The following RAD52 variants were observed in gnomAD, a reference collection of about 807,000 sequenced individuals.
RAD52 encodes RAD52 DNA repair protein.
RAD52 carries 47 observed loss-of-function variants against 55.5 expected under a neutral mutation model. The observed-to-expected ratio is 0.85, with a 90% confidence interval of 0.67 to 1.08. RAD52 has a LOEUF of 1.08. RAD52 is among the 50% of genes least tolerant of loss of function. RAD52 has a pLI of 0.00. For missense variants in RAD52, 468 were observed against 522.8 expected (o/e 0.90, Z 1.02); for synonymous variants, 184 against 198.9 (o/e 0.92, Z 0.63).
chr12:966,469 A>G (rs1360054558), intron 1 of RAD52, among the ~76,000 whole-genome samples: 1 of 152,058 alleles, frequency 6.6e-6, no homozygotes, highest in Non-Finnish European at 1.5e-5. Context: ...TGATAATACA[A>G]AAGTCTGCCA....
At chr12:986,673 C>T (rs745392157) in intron 1 of RAD52, among the ~76,000 whole-genome samples, 5 of 151,782 alleles carry the variant, frequency 3.3e-5, no homozygotes, top group Non-Finnish European at 7.4e-5. Context: ...ACTGTTTTAA[C>T]GATAGCAAGA....
intron 11 of RAD52, among the ~76,000 whole-genome samples, chr12:913,681 T>C (rs1328949663): frequency 2.0e-5 from 3 of 152,184 alleles, no homozygotes; most frequent in African/African-American, 7.2e-5. Context: ...TTCCTGCTAT[T>C]ATCAGGAGCT....
chr12:933,459 G>GGA (rs1957448001), intron 1 of RAD52, among the ~76,000 whole-genome samples: 2 of 139,718 alleles, frequency 1.4e-5, no homozygotes, highest in African/African-American at 5.4e-5. Flanking sequence ...TCCATTTCAG[G>GGA]AAAAAAAAAA....
chr12:958,277 C>T (rs1024023088), intron 1 of RAD52, among the ~76,000 whole-genome samples: 2 of 152,060 alleles, frequency 1.3e-5, no homozygotes, highest in African/African-American at 4.8e-5. Flanking sequence ...GTGCAATGGC[C>T]AGATCTTGGC....
intron 1 of RAD52, among the ~76,000 whole-genome samples, chr12:956,467 A>T (rs1958607926): frequency 6.6e-6 from 1 of 152,164 alleles, no homozygotes; most frequent in South Asian, 2.1e-4. Flanking sequence ...TCTTATTTCT[A>T]ATCCTTTTGT....
chr12:918,898 CTA>C (rs1214469656), intron 7 of RAD52, among the ~76,000 whole-genome samples: 2 of 152,094 alleles, frequency 1.3e-5, no homozygotes, highest in Non-Finnish European at 2.9e-5. Context: ...TCTAACCTGT[CTA>C]TATGTTCTTT....
At chr12:989,788 C>T (rs370580901) in intron 1 of RAD52, 6 of 152,176 alleles carry the variant, frequency 3.9e-5, no homozygotes, top group Non-Finnish European at 7.3e-5. Flanking sequence ...TCTATTGACT[C>T]CTAGTTGAAT....
chr12:971,362 T>G (rs1958848747), intron 1 of RAD52, among the ~76,000 whole-genome samples: 1 of 152,034 alleles, frequency 6.6e-6, no homozygotes, highest in African/African-American at 2.4e-5. Context: ...ATTATATAAC[T>G]AAGATATAAA....
rs112677599 is a variant in RAD52 at position 913,903 on chromosome 12, G to A, written c.1186C>T (p.Arg396Cys). ...AACACCTCTCTGCTACCTGTTGTGC[G>A]TTGGTCAGCGCTATAAGTTTGGAGG... ...WDLQTYSADQRTTGNWESHRK... is the reference protein window; with the variant it reads ...WDLQTYSADQCTTGNWESHRK... Residue 396 changes from arginine to cysteine, a missense_variant, in exon 11 of 12, where the codon CGC (arginine) becomes TGC (cysteine). By Grantham distance (180) the Arg-to-Cys change is radical. Transcript: ENST00000358495. 1.1e-3 allele frequency: 1,743 copies of A among 1,613,892 alleles called. 11 individuals are homozygous for A. Among genetic ancestry groups the A allele is most frequent in the South Asian group, 6.1e-3 (557 of 91,082 alleles).
intron 1 of RAD52, among the ~76,000 whole-genome samples, chr12:972,007 C>T: frequency 6.6e-6 from 1 of 152,166 alleles, no homozygotes; most frequent in East Asian, 1.9e-4. Flanking sequence ...CTCGGCCTCC[C>T]AAAGTACCTT....
At chr12:961,172 T>C (rs1208682871) in intron 1 of RAD52, among the ~76,000 whole-genome samples, 1 of 151,294 alleles carries the variant, frequency 6.6e-6, no homozygotes, top group Non-Finnish European at 1.5e-5. Context: ...TAGCTGGGCG[T>C]GGTGGCAGGC....
upstream of RAD52, among the ~76,000 whole-genome samples, chr12:952,176 C>G (rs577233079): frequency 3.3e-5 from 5 of 152,238 alleles, no homozygotes; most frequent in African/African-American, 1.2e-4. Context: ...GTTGCTCAGG[C>G]TGGTCTTGAA....
At chr12:984,734 G>T (rs1398164231) in intron 1 of RAD52, among the ~76,000 whole-genome samples, 1 of 150,976 alleles carries the variant, frequency 6.6e-6, no homozygotes, top group African/African-American at 2.4e-5. Flanking sequence ...GCGTGATCTC[G>T]GCTCACTGCA....
At chr12:970,797 A>T (rs948450684) in intron 1 of RAD52, among the ~76,000 whole-genome samples, 1 of 152,164 alleles carries the variant, frequency 6.6e-6, no homozygotes. Flanking sequence ...TATTTTGGGT[A>T]GGGTATCACA....
At chr12:926,934 C>T in intron 6 of RAD52, 2 of 1,537,660 alleles carry the variant, frequency 1.3e-6, no homozygotes, top group Non-Finnish European at 1.7e-6. Context: ...CACTTACTCC[C>T]AGCAAGGGAA....
chr12:955,888 C>T (rs1167087166), intron 1 of RAD52, among the ~76,000 whole-genome samples: 1 of 152,082 alleles, frequency 6.6e-6, no homozygotes, highest in Non-Finnish European at 1.5e-5. Flanking sequence ...TCAAGCAATT[C>T]TCCTGCCTTA....
chr12:986,349 C>T (rs1356466932), intron 1 of RAD52, among the ~76,000 whole-genome samples: 2 of 151,988 alleles, frequency 1.3e-5, no homozygotes, highest in Non-Finnish European at 2.9e-5. Context: ...CAGGAGTGAA[C>T]TACCACATCC....
At chr12:913,837 C>T (rs546137576) in intron 11 of RAD52, 57 bp downstream of exon 11, 3 of 1,494,562 alleles carry the variant, frequency 2.0e-6, no homozygotes, top group African/African-American at 2.8e-5. Flanking sequence ...TCAAAAATTC[C>T]CAGAATTAAA....
At chr12:917,473 C>A (rs945755931) in intron 7 of RAD52, among the ~76,000 whole-genome samples, 2 of 152,118 alleles carry the variant, frequency 1.3e-5, no homozygotes, top group Non-Finnish European at 2.9e-5. Flanking sequence ...AAAACTGATG[C>A]TGATGGAATA....
Sources: allele counts gnomAD v4.1 joint callset (sites outside exome capture counted in the v4.1 genomes callset), GRCh38; gene constraint gnomAD v4.1.1; transcripts MANE v1.5; gene names NCBI Gene and HGNC (gene_info 2026-07-23, HGNC 2026-07-21).